PCDHGA10: variants seen among roughly 807,000 people sequenced by gnomAD.
PCDHGA10 encodes the protein protocadherin gamma subfamily A, 10.
Under a neutral mutation model 59.5 loss-of-function variants are expected in PCDHGA10, and 42 were observed. The observed-to-expected ratio is 0.71, with a 90% CI of 0.55 to 0.91. PCDHGA10 has a LOEUF of 0.91. Ranked by LOEUF, PCDHGA10 falls within the 40% of genes least tolerant of loss-of-function variation. PCDHGA10 has a pLI of 0.00. For synonymous variants in PCDHGA10, 511 were observed against 517.2 expected, an observed-to-expected ratio of 0.99 and a Z score of 0.16; for missense variants, 1,111 against 1,198.2, an observed-to-expected ratio of 0.93 and a Z score of 1.07.
intron 1 of PCDHGA10, chr5:141,427,278 A>G (rs981860450): frequency 2.2e-6 from 1 of 456,706 alleles, no homozygotes; most frequent in Non-Finnish European, 4.4e-6. Context: ...ATGTAAAATT[A>G]TACTAGAAAT....
chr5:141,487,452 T>A lies in PCDHGA10; in HGVS notation c.2437-7355T>A, dbSNP rs778695562. 40 of 1,614,046 alleles carry A rather than the reference T, an allele frequency of 2.5e-5. No homozygotes were observed. The highest frequency in any genetic ancestry group is 3.4e-5 in the Non-Finnish European group (40 of 1,180,004). On this transcript the variant is annotated intron_variant, in intron 1 of 3. Coordinates refer to ENST00000398610, the MANE Select transcript of PCDHGA10 (RefSeq NM_018913.3). This position sits in a 1 kb window ranked among gnomAD's most constrained non-coding sequence, Gnocchi z 5.0. ...ATCCAGCTAGGGTCAGATGACCCTA[T>A]CAAGTTTGTTGATGTGGGAGGCCAC... is the stretch of plus-strand genomic sequence containing the variant.
At chr5:141,510,863 A>G in intron 3 of PCDHGA10, 84 bp from the exon 4 acceptor site, 1 of 1,607,492 alleles carries the variant, frequency 6.2e-7, no homozygotes, top group African/African-American at 1.3e-5. Flanking sequence ...CTGTATAGGC[A>G]TTCATTAACT....
chr5:141,435,973 G>T (rs1420195337), intron 1 of PCDHGA10, among the ~76,000 whole-genome samples: 1 of 152,028 alleles, frequency 6.6e-6, no homozygotes, highest in East Asian at 1.9e-4. Context: ...AGAGTGTGTG[G>T]TTCTACTTGT....
At chr5:141,417,626 T>G in intron 1 of PCDHGA10, 2 of 689,576 alleles carry the variant, frequency 2.9e-6, no homozygotes, top group East Asian at 2.9e-5. Flanking sequence ...GAGCAAGCGC[T>G]GACGCCGGGG....
chr5:141,478,384 T>G, intron 1 of PCDHGA10: 1 of 1,613,658 alleles, frequency 6.2e-7, no homozygotes, highest in South Asian at 1.1e-5. Context: ...CGCCGCACCT[T>G]TACCATCAGG....
intron 1 of PCDHGA10, among the ~76,000 whole-genome samples, chr5:141,465,219 C>A (rs1272266733): frequency 6.6e-6 from 1 of 152,004 alleles, no homozygotes; most frequent in Non-Finnish European, 1.5e-5. Context: ...TATTTTTCAA[C>A]ATGAGCTCCA....
rs368927472 is a variant in PCDHGA10 at position 141,490,874 on chromosome 5, A to G, written c.2437-3933A>G. The G allele has an allele frequency of 2.4e-5, 39 of 1,613,830 alleles. No individual in the cohort carries two copies. Among genetic ancestry groups the G allele is most frequent in the Non-Finnish European group, 3.1e-5 (36 of 1,179,960 alleles). ...CGAGACTCCGGCTCTCCCCCATTGCATGCCAACACATCTCTGCATGTGTTT... is the reference window on the plus strand; with the variant it reads ...CGAGACTCCGGCTCTCCCCCATTGCGTGCCAACACATCTCTGCATGTGTTT... On this transcript the variant is annotated intron_variant, in intron 1 of 3. Transcript: ENST00000398610. This position sits in a 1 kb window ranked among gnomAD's most constrained non-coding sequence, Gnocchi z 5.4.
At position 141,491,561 on chromosome 5, in the gene PCDHGA10, A is replaced by C. The variant is rs1289732955; in HGVS notation, c.2437-3246A>C. The C allele has an allele frequency of 1.2e-6, 2 of 1,613,938 alleles. No homozygotes were observed. Among genetic ancestry groups the C allele is most frequent in the Admixed American group, 3.3e-5 (2 of 60,016 alleles). On this transcript the variant is annotated intron_variant, in intron 1 of 3. Transcript: ENST00000398610. This position sits in a 1 kb window ranked among gnomAD's most constrained non-coding sequence, Gnocchi z 6.9. ...CCCACAGACTCGCAGAGCCACTGCT[A>C]CAGGACGTGCTTTTCACCGGCCTCG...
At chr5:141,500,866 A>C (rs576713520) in intron 2 of PCDHGA10, among the ~76,000 whole-genome samples, 1 of 146,112 alleles carries the variant, frequency 6.8e-6, no homozygotes, top group Non-Finnish European at 1.5e-5. Context: ...AAACATACAC[A>C]TTCATTTACA....
At chr5:141,433,607 G>A (rs1209706866) in intron 1 of PCDHGA10, among the ~76,000 whole-genome samples, 2 of 152,078 alleles carry the variant, frequency 1.3e-5, no homozygotes, top group East Asian at 1.9e-4. Context: ...AGGCCGAGGC[G>A]GGTGGATCAC....
rs771411620 is a variant in PCDHGA10, at chr5:141,485,551, G to A, written c.2437-9256G>A. ...GAGCAGAGGTAGAGATCGTAGATGT[G>A]AATGATCACGCCCCCCGTTTTCCGC... On this transcript the variant is annotated intron_variant, in intron 1 of 3. Transcript: ENST00000398610. This position sits in a 1 kb window ranked among gnomAD's most constrained non-coding sequence, Gnocchi z 5.7. 1.9e-6 allele frequency: 3 copies of A among 1,613,958 alleles called. No individual in the cohort carries two copies. Among genetic ancestry groups the A allele is most frequent in the Admixed American group, 1.7e-5 (1 of 60,006 alleles).
intron 1 of PCDHGA10, among the ~76,000 whole-genome samples, chr5:141,458,368 A>C (rs934670055): frequency 3.9e-5 from 6 of 152,112 alleles, no homozygotes; most frequent in Admixed American, 3.9e-4. Flanking sequence ...GAAGGAAGGG[A>C]GAAGAGAGAA....
intron 1 of PCDHGA10, chr5:141,423,558 G>T: frequency 1.2e-6 from 2 of 1,613,580 alleles, no homozygotes; most frequent in Non-Finnish European, 1.7e-6. Context: ...CCAACTATGG[G>T]GACACGCTCA....
chr5:141,465,056 G>A (rs908104635), intron 1 of PCDHGA10, among the ~76,000 whole-genome samples: 9 of 151,044 alleles, frequency 6.0e-5, no homozygotes, highest in Non-Finnish European at 1.3e-4. Context: ...ATATTTTTTT[G>A]AATTGTCTGT....
chr5:141,418,036 G>T, intron 1 of PCDHGA10: 1 of 1,614,020 alleles, frequency 6.2e-7, no homozygotes, highest in Non-Finnish European at 8.5e-7. Context: ...TTAGTGTCCT[G>T]GATGTGTCGG....
chr5:141,448,639 T>A (rs1248697237), intron 1 of PCDHGA10, among the ~76,000 whole-genome samples: 1 of 152,148 alleles, frequency 6.6e-6, no homozygotes, highest in Admixed American at 6.6e-5. Flanking sequence ...CATTATATCC[T>A]TTAAAAATAT....
chr5:141,490,200 A>G lies in PCDHGA10; in HGVS notation c.2437-4607A>G. 6.2e-6 allele frequency: 10 copies of G among 1,614,198 alleles called. No homozygotes were observed. The highest frequency in any genetic ancestry group is 8.5e-6 in the Non-Finnish European group (10 of 1,180,032). ...AGTCACGTTTCTATGAAATTCATGC[A>G]AGAGCCCGTGACCAGGGACAGCCTG... On this transcript the variant is annotated intron_variant, in intron 1 of 3. Coordinates refer to ENST00000398610, the MANE Select transcript of PCDHGA10 (RefSeq NM_018913.3). The surrounding 1 kb of genome is among the most constrained non-coding windows in gnomAD (Gnocchi z 5.4).
chr5:141,415,740 G>GTTTTTTTTTTTTTTTTTTTTTTT (rs57426385), intron 1 of PCDHGA10, 129 bp downstream of exon 1: 14 of 625,046 alleles, frequency 2.2e-5, no homozygotes, highest in East Asian at 1.4e-4. Flanking sequence ...GTTTATTAAG[G>GTTTTTTTTTTTTTTTTTTTTTTT]TTTTTTTTTT....
chr5:141,441,823 C>A (rs538052540), intron 1 of PCDHGA10: 6 of 357,336 alleles, frequency 1.7e-5, no homozygotes, highest in South Asian at 7.1e-5. Flanking sequence ...AGCTCTGGAG[C>A]GCAATGGCTT....
Sources: allele counts gnomAD v4.1 joint callset (sites outside exome capture counted in the v4.1 genomes callset), GRCh38; gene constraint gnomAD v4.1.1; non-coding constraint Gnocchi (gnomAD v3.1); transcripts MANE v1.5; gene names NCBI Gene and HGNC (gene_info 2026-07-23, HGNC 2026-07-21).